Variants in ITPR1 observed in about 807,000 individuals in gnomAD.
ITPR1 encodes inositol 1,4,5-trisphosphate-gated calcium channel ITPR1.
A neutral mutation model predicts 318.4 loss-of-function variants in ITPR1; 96 were observed. The observed-to-expected ratio is 0.30, with a 90% CI of 0.26 to 0.36. The LOEUF (loss-of-function observed/expected upper bound fraction) is 0.36, where lower values mean the gene tolerates loss of function less well. Among genes scored for constraint, ITPR1 ranks in the 10% least tolerant of loss-of-function variants. ITPR1 has a pLI of 1.00. For missense variants in ITPR1, 2,440 were observed against 3,460.2 expected, an observed-to-expected ratio of 0.71 and a Z score of 7.40; for synonymous variants, 1,312 against 1,289.9, an observed-to-expected ratio of 1.02 and a Z score of -0.37.
intron 2 of ITPR1, among the ~76,000 whole-genome samples, chr3:4,516,026 C>T (rs2082146971): frequency 6.6e-6 from 1 of 152,138 alleles, no homozygotes; most frequent in African/African-American, 2.4e-5. Flanking sequence ...TGTGGCCTTG[C>T]CAGAAGCAGG....
chr3:4,718,694 C>T (rs967663727), intron 40 of ITPR1, among the ~76,000 whole-genome samples: 5 of 152,110 alleles, frequency 3.3e-5, no homozygotes, highest in African/African-American at 9.7e-5. Context: ...ATTAATTAGA[C>T]GGGAGCAGGT....
chr3:4,754,116 C>T (rs564686724), intron 44 of ITPR1, among the ~76,000 whole-genome samples: 25 of 151,482 alleles, frequency 1.7e-4, no homozygotes, highest in African/African-American at 4.9e-4. Flanking sequence ...CTGGGAACCT[C>T]GGAGCATTGA....
intron 4 of ITPR1, among the ~76,000 whole-genome samples, chr3:4,608,210 G>T (rs28520334): frequency 0.14 from 21,042 of 152,002 alleles, 1,585 homozygotes; most frequent in African/African-American, 0.19. Context: ...GATTTACTCC[G>T]AAGTTTGATT....
intron 4 of ITPR1, among the ~76,000 whole-genome samples, chr3:4,548,071 G>A (rs1215142944): frequency 6.6e-6 from 1 of 152,138 alleles, no homozygotes; most frequent in Non-Finnish European, 1.5e-5. Context: ...GAGCTATGTA[G>A]GGTGAGGGAG....
intron 54 of ITPR1, among the ~76,000 whole-genome samples, chr3:4,805,364 G>C (rs2048489766): frequency 6.6e-6 from 1 of 152,192 alleles, no homozygotes; most frequent in African/African-American, 2.4e-5. Flanking sequence ...GCAATCCCAA[G>C]AAAGAGCTCA....
At chr3:4,762,352 C>T (rs763474389) in intron 44 of ITPR1, among the ~76,000 whole-genome samples, 5 of 152,168 alleles carry the variant, frequency 3.3e-5, no homozygotes, top group Non-Finnish European at 5.9e-5. Flanking sequence ...CCTTCACAAC[C>T]ATCCATGAAG....
intron 60 of ITPR1, among the ~76,000 whole-genome samples, chr3:4,834,808 G>A (rs1040091604): frequency 2.6e-5 from 4 of 152,146 alleles, no homozygotes; most frequent in African/African-American, 9.7e-5. Flanking sequence ...ATTTTTTAAC[G>A]ATCTTTTGCC....
At chr3:4,688,144 A>G (rs866872968) in intron 30 of ITPR1, among the ~76,000 whole-genome samples, 32 of 151,816 alleles carry the variant, frequency 2.1e-4, no homozygotes, top group Middle Eastern at 3.4e-3. Flanking sequence ...TGATCCACCC[A>G]AAGGGGTGGG....
Position 4,562,729 on chromosome 3 carries a change from T to TAA in ITPR1, c.163+41648_163+41649dup, listed in dbSNP as rs34217045. ...ACCTTTGAAGGTGGTACGCATTCAT[T>TAA]AAAAAAAAAAAAAATCAAGTGCGTG... On this transcript the variant is annotated intron_variant, in intron 4 of 61. Coordinates refer to ENST00000649015, the MANE Select transcript of ITPR1 (RefSeq NM_001378452.1). Among the ~76,000 whole-genome samples, 6 of 147,048 alleles carry TAA rather than the reference T, an allele frequency of 4.1e-5. No individual in the cohort carries two copies. In the East Asian group the frequency reaches 1.2e-3, roughly 29 times the overall value.
Position 4,846,872 on chromosome 3 carries a change from A to ACTT in ITPR1, c.*648_*650dup, listed in dbSNP as rs2051817803. On this transcript the variant is annotated 3_prime_UTR_variant, in exon 62 of 62. Transcript: ENST00000649015. ...ATCAGCATTCATTTTAAGAAAAGCA[A>ACTT]CTTTAGTTTCAAAGATACTTTTAAG... 6.6e-6 allele frequency: 1 copy of ACTT among 152,654 alleles called. No homozygotes were observed. The highest frequency in any genetic ancestry group is 2.1e-4 in the South Asian group (1 of 4,834). 9.5% of individuals were successfully genotyped at this position (152,654 alleles called of 1,614,324 possible).
chr3:4,586,813 T>A (rs1047064774), intron 4 of ITPR1, among the ~76,000 whole-genome samples: 1 of 151,940 alleles, frequency 6.6e-6, no homozygotes, highest in Non-Finnish European at 1.5e-5. Flanking sequence ...TGTTTGGTGA[T>A]CACTGTTTCT....
At chr3:4,705,264 T>C (rs748893102) in intron 36 of ITPR1, among the ~76,000 whole-genome samples, 1 of 152,222 alleles carries the variant, frequency 6.6e-6, no homozygotes, top group Admixed American at 6.5e-5. Context: ...ATTTCAGGTT[T>C]ATGGGACTGT....
chr3:4,766,629 AC>A lies in ITPR1; in HGVS notation c.5645del (p.Thr1882LysfsTer2). The A allele has an allele frequency of 6.2e-7, 1 of 1,613,906 alleles. No individual in the cohort carries two copies. Among genetic ancestry groups the A allele is most frequent in the Non-Finnish European group, 8.5e-7 (1 of 1,179,786 alleles). On this transcript the variant is annotated frameshift_variant, in exon 45 of 62. Coordinates refer to ENST00000649015, the MANE Select transcript of ITPR1 (RefSeq NM_001378452.1). LOFTEE classifies it high-confidence loss of function. ...GGTGGCCCAGCAAGAAATCAAAGCA[AC>A]AGTGACAGTGAACACCAGTGACTTG... The part of the protein sequence containing the change: ...MKVAQQEIKA[T>X]VTVNTSDLGN...
intron 44 of ITPR1, among the ~76,000 whole-genome samples, chr3:4,736,206 T>A (rs766512940): frequency 3.9e-5 from 6 of 152,224 alleles, no homozygotes; most frequent in Non-Finnish European, 8.8e-5. Context: ...CACATATGTT[T>A]TGATAAAAGC....
intron 54 of ITPR1, 23 bp downstream of exon 54, chr3:4,800,623 C>T (rs1354386130): frequency 2.5e-6 from 4 of 1,609,698 alleles, no homozygotes; most frequent in Non-Finnish European, 2.5e-6. Context: ...ACCTTCCTTG[C>T]CACTGTTTTG....
intron 20 of ITPR1, among the ~76,000 whole-genome samples, chr3:4,672,705 A>C (rs2094112168): frequency 6.6e-6 from 1 of 152,202 alleles, no homozygotes; most frequent in South Asian, 2.1e-4. Context: ...AATGTTATAA[A>C]ATTTCTAATT....
chr3:4,522,546 A>G (rs1475770064), intron 4 of ITPR1, among the ~76,000 whole-genome samples: 1 of 152,198 alleles, frequency 6.6e-6, no homozygotes, highest in East Asian at 1.9e-4. Flanking sequence ...TTAAAGAGAG[A>G]GAATAACAGT....
At chr3:4,506,390 A>AT (rs527540145) in intron 2 of ITPR1, among the ~76,000 whole-genome samples, 24 of 151,044 alleles carry the variant, frequency 1.6e-4, no homozygotes, top group East Asian at 3.9e-4. Flanking sequence ...CTTCCGCCTG[A>AT]TTTTTTTTTG....
At chr3:4,701,504 G>A (rs536809788) in intron 35 of ITPR1, among the ~76,000 whole-genome samples, 1 of 152,234 alleles carries the variant, frequency 6.6e-6, no homozygotes, top group East Asian at 1.9e-4. Flanking sequence ...CCTCTATTAG[G>A]AACACAGCTT....
Sources: allele counts gnomAD v4.1 joint callset (sites outside exome capture counted in the v4.1 genomes callset), GRCh38; gene constraint gnomAD v4.1.1; transcripts MANE v1.5; gene names NCBI Gene and HGNC (gene_info 2026-07-23, HGNC 2026-07-21).